The following CSNK1G1 variants were observed in gnomAD, a reference collection of about 807,000 sequenced individuals.
The protein encoded by CSNK1G1 is casein kinase 1 gamma 1.
Under a neutral mutation model 59.6 loss-of-function variants are expected in CSNK1G1, and 22 were observed. The observed-to-expected ratio is 0.37, with a 90% confidence interval of 0.26 to 0.53. The LOEUF (loss-of-function observed/expected upper bound fraction) is 0.53. Among genes scored for constraint, CSNK1G1 ranks in the 20% least tolerant of loss-of-function variants. The pLI is 0.89. For missense variants in CSNK1G1, 384 were observed against 519.5 expected (o/e 0.74, Z 2.54); for synonymous variants, 179 against 177.1 (o/e 1.01, Z -0.08).
chr15:64,288,593 T>C (rs1894558045), intron 2 of CSNK1G1, among the ~76,000 whole-genome samples: 1 of 151,866 alleles, frequency 6.6e-6, no homozygotes, highest in African/African-American at 2.4e-5. Flanking sequence ...TTTGTGTGCA[T>C]GTGTATATAT....
At chr15:64,335,100 T>A (rs1897317663) in intron 1 of CSNK1G1, among the ~76,000 whole-genome samples, 1 of 152,198 alleles carries the variant, frequency 6.6e-6, no homozygotes, top group African/African-American at 2.4e-5. Flanking sequence ...CTGCTGCAAA[T>A]CTATCTGTCA....
intron 1 of CSNK1G1, among the ~76,000 whole-genome samples, chr15:64,303,562 G>A (rs1468631600): frequency 1.3e-5 from 2 of 151,912 alleles, no homozygotes; most frequent in Non-Finnish European, 2.9e-5. Flanking sequence ...GACCAGCCTG[G>A]CCAATATGAC....
chr15:64,223,731 G>A (rs982068220), intron 4 of CSNK1G1, among the ~76,000 whole-genome samples: 1 of 152,062 alleles, frequency 6.6e-6, no homozygotes, highest in Non-Finnish European at 1.5e-5. Context: ...ATGTTATCTT[G>A]TATATTTTTC....
chr15:64,178,678 C>T (rs2140207110), intron 11 of CSNK1G1, among the ~76,000 whole-genome samples: 1 of 151,966 alleles, frequency 6.6e-6, no homozygotes, highest in Non-Finnish European at 1.5e-5. Context: ...GACGGGGTTT[C>T]ACCATGTTGG....
chr15:64,294,213 C>T (rs1361142709), intron 2 of CSNK1G1, among the ~76,000 whole-genome samples: 1 of 152,098 alleles, frequency 6.6e-6, no homozygotes, highest in South Asian at 2.1e-4. Context: ...GCTGGGATTA[C>T]AGGCGTCCGT....
At chr15:64,351,608 GT>G (rs1296070472) in intron 1 of CSNK1G1, among the ~76,000 whole-genome samples, 4 of 152,234 alleles carry the variant, frequency 2.6e-5, no homozygotes, top group African/African-American at 9.6e-5. Flanking sequence ...GCCAGGCACG[GT>G]GGCTCACGCC....
chr15:64,313,411 T>G (rs1346560726), intron 1 of CSNK1G1, among the ~76,000 whole-genome samples: 1 of 152,172 alleles, frequency 6.6e-6, no homozygotes, highest in Non-Finnish European at 1.5e-5. Flanking sequence ...CATGGAATAC[T>G]ATGCAGCCAT....
intron 2 of CSNK1G1, among the ~76,000 whole-genome samples, chr15:64,277,570 T>C (rs892771622): frequency 1.4e-5 from 2 of 145,106 alleles, no homozygotes; most frequent in African/African-American, 5.0e-5. Context: ...AAATTTAATA[T>C]AATAAATATA....
chr15:64,271,128 C>G (rs971402601), intron 2 of CSNK1G1, among the ~76,000 whole-genome samples: 17 of 151,908 alleles, frequency 1.1e-4, no homozygotes, highest in African/African-American at 3.6e-4. Context: ...GCTGGGACTA[C>G]AGGCATGTAC....
intron 1 of CSNK1G1, chr15:64,315,865 T>C (rs559085917): frequency 6.6e-6 from 1 of 152,338 alleles, no homozygotes; most frequent in African/African-American, 2.4e-5. Context: ...TCTAACACAC[T>C]GAATGCTCTT....
chr15:64,231,370 T>G (rs1349478657), intron 4 of CSNK1G1, among the ~76,000 whole-genome samples: 2 of 147,616 alleles, frequency 1.4e-5, no homozygotes, highest in Non-Finnish European at 3.0e-5. Context: ...TATATTTATA[T>G]AAACATATAT....
At chr15:64,312,366 A>T (rs922408608) in intron 1 of CSNK1G1, among the ~76,000 whole-genome samples, 27 of 152,306 alleles carry the variant, frequency 1.8e-4, no homozygotes, top group African/African-American at 5.1e-4. Flanking sequence ...ACTACAAGGC[A>T]ACAGTTACCA....
intron 1 of CSNK1G1, among the ~76,000 whole-genome samples, chr15:64,311,018 A>G (rs1482451008): frequency 2.1e-5 from 3 of 141,502 alleles, no homozygotes; most frequent in East Asian, 4.2e-4. Flanking sequence ...AAAAAAAAAA[A>G]GGAAAAAAGA....
chr15:64,174,105 C>A (rs1446650888), intron 11 of CSNK1G1, among the ~76,000 whole-genome samples: 1 of 151,996 alleles, frequency 6.6e-6, no homozygotes, highest in African/African-American at 2.4e-5. Flanking sequence ...TTGGAGGATG[C>A]TAAGATGATG....
At chr15:64,324,628 C>G (rs1485955286) in intron 1 of CSNK1G1, among the ~76,000 whole-genome samples, 7 of 152,216 alleles carry the variant, frequency 4.6e-5, no homozygotes, top group African/African-American at 7.2e-5. Context: ...GACTGGCTTC[C>G]CTGCTCCTCA....
chr15:64,307,687 T>C (rs754883269), intron 1 of CSNK1G1, among the ~76,000 whole-genome samples: 2 of 152,070 alleles, frequency 1.3e-5, no homozygotes, highest in African/African-American at 2.4e-5. Context: ...TTACTTGTTT[T>C]TGATTTTGTT....
intron 11 of CSNK1G1, among the ~76,000 whole-genome samples, chr15:64,179,548 G>A (rs554104915): frequency 6.6e-6 from 1 of 152,296 alleles, no homozygotes; most frequent in East Asian, 1.9e-4. Flanking sequence ...AGCAGTTACT[G>A]ACTCATGGTG....
chr15:64,171,225 A>T lies in CSNK1G1; in HGVS notation c.*706T>A, dbSNP rs900584226. The T allele has an allele frequency of 6.6e-6, 1 of 152,650 alleles. No individual in the cohort carries two copies. Among genetic ancestry groups the T allele is most frequent in the African/African-American group, 2.4e-5 (1 of 41,440 alleles). The allele number at this position is 152,650 out of a possible 1,614,324, so 9.5% of individuals were successfully genotyped here. A position where few individuals can be genotyped will look rare whatever the true frequency, so the allele number is the denominator to read the frequency against. ...CTTTCCTTTGCTTAGAACAATTTTC[A>T]TTGTCCTACTACCTGGAGAAAAGAG... On this transcript the variant is annotated 3_prime_UTR_variant, in exon 12 of 12. Coordinates refer to ENST00000303052, the MANE Select transcript of CSNK1G1 (RefSeq NM_022048.5). The surrounding 1 kb of genome is among the most constrained non-coding windows in gnomAD (Gnocchi z 4.8).
At position 64,255,729 on chromosome 15, in the gene CSNK1G1, T is replaced by C. The variant is rs536774071; in HGVS notation, c.222+3472A>G. Among the ~76,000 whole-genome samples the C allele has an allele frequency of 5.9e-5, 9 of 152,332 alleles. No homozygotes were observed. In the East Asian group the frequency reaches 1.5e-3, roughly 26 times the overall value. ...TTTGAAGGCTCTTTCCTGAATCCAC[T>C]TGAAGTTTTCTGCATTTTTCTTAAG... On this transcript the variant is annotated intron_variant, in intron 3 of 11. Transcript: ENST00000303052.
Sources: allele counts gnomAD v4.1 joint callset (sites outside exome capture counted in the v4.1 genomes callset), GRCh38; gene constraint gnomAD v4.1.1; non-coding constraint Gnocchi (gnomAD v3.1); transcripts MANE v1.5; gene names NCBI Gene and HGNC (gene_info 2026-07-23, HGNC 2026-07-21).